Variants in NUS1 observed in about 807,000 individuals in gnomAD.
NUS1 encodes NUS1 dehydrodolichyl diphosphate synthase subunit, also known as dehydrodolichyl diphosphate synthase complex subunit NUS1.
For synonymous variants in NUS1, 135 were observed against 155.2 expected (o/e 0.87, Z 0.97); for missense variants, 292 against 382.9 (o/e 0.76, Z 1.98).
intron 1 of NUS1, among the ~76,000 whole-genome samples, chr6:117,687,403 G>C (rs531652001): frequency 2.0e-5 from 3 of 152,240 alleles, no homozygotes; most frequent in African/African-American, 4.8e-5. Context: ...CAGTTGAGGG[G>C]AGGGTGGAGA....
intron 3 of NUS1, among the ~76,000 whole-genome samples, chr6:117,702,730 G>A (rs1006590639): frequency 7.2e-5 from 11 of 152,078 alleles, no homozygotes; most frequent in Non-Finnish European, 1.6e-4. Context: ...CTTTGTTATG[G>A]AAATAATTTT....
chr6:117,705,013 G>A (rs879861490), intron 4 of NUS1, among the ~76,000 whole-genome samples: 35 of 152,172 alleles, frequency 2.3e-4, no homozygotes, highest in Non-Finnish European at 4.0e-4. Flanking sequence ...ATCTCTCCAA[G>A]ATGTATGAAG....
In NUS1 at chr6:117,707,737, A is replaced by G. The variant is rs1025789353; in HGVS notation, c.*722A>G. 4 of 151,320 alleles carry G rather than the reference A, an allele frequency of 2.6e-5. No homozygotes were observed. Among genetic ancestry groups the G allele is most frequent in the Non-Finnish European group, 5.9e-5 (4 of 67,782 alleles). 9.4% of individuals were successfully genotyped at this position (151,320 alleles called of 1,614,324 possible). On this transcript the variant is annotated 3_prime_UTR_variant, in exon 5 of 5. Coordinates refer to ENST00000368494, the MANE Select transcript of NUS1 (RefSeq NM_138459.5). ...TCTGGTATTCTGAGAGTTGCTCTGT[A>G]TTCTGGGTTCTGAAGATTATTTGAA...
intron 3 of NUS1, among the ~76,000 whole-genome samples, chr6:117,695,697 TC>T (rs1773308838): frequency 1.3e-5 from 2 of 152,172 alleles, no homozygotes; most frequent in African/African-American, 4.8e-5. Context: ...CATCAAAAGT[TC>T]CTTTGTGACT....
chr6:117,690,979 CAAAAAAAAAA>C, intron 1 of NUS1, among the ~76,000 whole-genome samples: 1 of 73,294 alleles, frequency 1.4e-5, no homozygotes, highest in South Asian at 6.3e-4. Flanking sequence ...GAGTCTGTCT[CAAAAAAAAAA>C]AAAAAAAAAA....
intron 1 of NUS1, among the ~76,000 whole-genome samples, chr6:117,686,199 G>T (rs1773137300): frequency 1.3e-5 from 2 of 151,816 alleles, no homozygotes; most frequent in African/African-American, 4.8e-5. Flanking sequence ...AGAAGAGCTT[G>T]CAGTGAGCCG....
In NUS1 at chr6:117,703,812, C is replaced by T. The variant is rs1157431227; in HGVS notation, c.791+108C>T. The stretch of plus-strand genomic sequence containing the variant: ...TTTCCAAAGAATTATAATACTGGAT[C>T]CTTTACCTCAGTTATTTCACAGTAC... On this transcript the variant is annotated intron_variant, in intron 4 of 4. Coordinates refer to ENST00000368494, the MANE Select transcript of NUS1 (RefSeq NM_138459.5). The T allele has an allele frequency of 9.0e-6, 7 of 779,378 alleles. No homozygotes were observed. The East Asian group carries it at 1.2e-4, about 14-fold the overall frequency. The allele number at this position is 779,378 out of a possible 1,614,324, so 48.3% of individuals were successfully genotyped here. A position where few individuals can be genotyped will look rare whatever the true frequency, so the allele number is the denominator to read the frequency against.
intron 1 of NUS1, among the ~76,000 whole-genome samples, chr6:117,692,336 T>C (rs1207884016): frequency 6.6e-6 from 1 of 152,098 alleles, no homozygotes; most frequent in East Asian, 1.9e-4. Context: ...CTGCAAATTG[T>C]CAAAGACTTG....
rs746969718 is a variant in NUS1 at position 117,675,947 on chromosome 6, T to A, written c.277T>A (p.Ser93Thr). ...GATGCGCTGGCGCGCGGACGGTCGTTCCTTGGAGAAGCTGCCTGTGCATAT... is the reference window on the plus strand; with the variant it reads ...GATGCGCTGGCGCGCGGACGGTCGTACCTTGGAGAAGCTGCCTGTGCATAT... ...HRMRWRADGR[S>T]LEKLPVHMGL... is the part of the protein sequence containing the mutation. The change falls in exon 1 of 5, where the codon TCC (serine) becomes ACC (threonine). Residue 93 changes from serine to threonine, a missense_variant. By Grantham distance (58) the Ser-to-Thr change is moderately conservative (BLOSUM62 1). Transcript: ENST00000368494. The A allele has an allele frequency of 1.2e-5, 18 of 1,546,766 alleles. No homozygotes were observed. The highest frequency in any genetic ancestry group is 1.6e-5 in the Non-Finnish European group (18 of 1,144,930).
intron 3 of NUS1, among the ~76,000 whole-genome samples, chr6:117,702,329 A>C (rs1490854903): frequency 6.6e-6 from 1 of 152,186 alleles, no homozygotes; most frequent in African/African-American, 2.4e-5. Flanking sequence ...TTTGGCAGCA[A>C]GTAGCAAATC....
At chr6:117,699,580 C>T (rs139948153) in intron 3 of NUS1, among the ~76,000 whole-genome samples, 1 of 152,130 alleles carries the variant, frequency 6.6e-6, no homozygotes, top group East Asian at 1.9e-4. Context: ...AAGCAATCTG[C>T]AGTCAATGCA....
chr6:117,680,777 A>G (rs1047161048), intron 1 of NUS1, among the ~76,000 whole-genome samples: 1 of 152,240 alleles, frequency 6.6e-6, no homozygotes, highest in Non-Finnish European at 1.5e-5. Flanking sequence ...TTTGCTGTAA[A>G]TTGGAATGAT....
At chr6:117,685,964 TA>T (rs374609117) in intron 1 of NUS1, among the ~76,000 whole-genome samples, 15,178 of 104,088 alleles carry the variant, frequency 0.15, 1,379 homozygotes, top group African/African-American at 0.32. Context: ...TCCGTCTCAT[TA>T]AAAAAAAAAA....
chr6:117,676,075 C>T lies in NUS1; in HGVS notation c.405C>T (p.Tyr135=), dbSNP rs1407880094. 1.3e-6 allele frequency: 2 copies of T among 1,550,884 alleles called. No homozygotes were observed. Among genetic ancestry groups the T allele is most frequent in the South Asian group, 1.2e-5 (1 of 84,042 alleles). ...MAVGISYISV[Y]DHQGIFKRNN... is the part of the protein sequence containing the mutation. ...TGGGCATCTCCTACATTAGCGTCTA[C>T]GACCACCAAGGTGAGGCCCGGTGCG... Residue 135 remains tyrosine (Y), a synonymous_variant, in exon 1 of 5, where the codon TAC becomes TAT. Coordinates refer to ENST00000368494, the MANE Select transcript of NUS1 (RefSeq NM_138459.5).
Position 117,706,857 on chromosome 6 carries a change from T to C in NUS1, c.792-68T>C, listed in dbSNP as rs575338863. On this transcript the variant is annotated intron_variant, in intron 4 of 4. Coordinates refer to ENST00000368494, the MANE Select transcript of NUS1 (RefSeq NM_138459.5). ...ATTCTTAACTTCTTTTTGGTCCTTA[T>C]CTTCTGGTTCCCCCCTACATTACAG... 1,171 of 1,254,610 alleles carry C rather than the reference T, an allele frequency of 9.3e-4. 14 individuals carry two copies. The South Asian group carries it at 0.013, about 14-fold the overall frequency. 77.7% of individuals were successfully genotyped at this position (1,254,610 alleles called of 1,614,324 possible).
intron 1 of NUS1, among the ~76,000 whole-genome samples, chr6:117,692,422 C>A (rs1325159359): frequency 6.6e-6 from 1 of 152,008 alleles, no homozygotes; most frequent in Admixed American, 6.6e-5. Flanking sequence ...TCTTTCTCAT[C>A]TTTCTCAATA....
chr6:117,688,393 G>C (rs939964866), intron 1 of NUS1, among the ~76,000 whole-genome samples: 1 of 152,092 alleles, frequency 6.6e-6, no homozygotes, highest in Non-Finnish European at 1.5e-5. Context: ...GAGAATGCCT[G>C]GGTGACTGGG....
intron 1 of NUS1, among the ~76,000 whole-genome samples, chr6:117,678,635 A>G (rs1256518198): frequency 6.6e-6 from 1 of 150,482 alleles, no homozygotes; most frequent in Non-Finnish European, 1.5e-5. Flanking sequence ...ACTCAGAGGG[A>G]GTATAGACAT....
chr6:117,676,779 C>A (rs1241198788), intron 1 of NUS1, among the ~76,000 whole-genome samples: 1 of 152,194 alleles, frequency 6.6e-6, no homozygotes, highest in Non-Finnish European at 1.5e-5. Context: ...TTTTCACAAT[C>A]TTTGCCTTTG....
Sources: allele counts gnomAD v4.1 joint callset (sites outside exome capture counted in the v4.1 genomes callset), GRCh38; gene constraint gnomAD v4.1.1; transcripts MANE v1.5; gene names NCBI Gene and HGNC (gene_info 2026-07-23, HGNC 2026-07-21).